The following STK39 variants were observed in gnomAD, a reference collection of about 807,000 sequenced individuals.
STK39 encodes STE20/SPS1-related proline-alanine-rich protein kinase.
A neutral mutation model predicts 77.8 loss-of-function variants in STK39; 20 were observed. The observed-to-expected ratio is 0.26, with a 90% CI of 0.18 to 0.37. STK39 has a LOEUF of 0.37. Among genes scored for constraint, STK39 ranks in the 10% least tolerant of loss-of-function variants. The pLI is 1.00. For synonymous variants in STK39, 246 were observed against 234.1 expected, an observed-to-expected ratio of 1.05 and a Z score of -0.47; for missense variants, 479 against 656.5, an observed-to-expected ratio of 0.73 and a Z score of 2.95.
chr2:167,965,696 TTTTTTATG>T (rs760530371), intron 16 of STK39, among the ~76,000 whole-genome samples: 11 of 152,206 alleles, frequency 7.2e-5, no homozygotes, highest in Admixed American at 6.5e-5. Flanking sequence ...TCATTTTTAT[TTTTTTATG>T]AGTAAAATTA....
chr2:168,206,129 G>A (rs1689735606), intron 1 of STK39, among the ~76,000 whole-genome samples: 2 of 152,136 alleles, frequency 1.3e-5, no homozygotes, highest in Non-Finnish European at 2.9e-5. Flanking sequence ...ATCGCTGACA[G>A]CAATGTCCTC....
intron 16 of STK39, among the ~76,000 whole-genome samples, chr2:167,993,871 T>A (rs1315717259): frequency 1.8e-5 from 1 of 56,214 alleles, no homozygotes; most frequent in African/African-American, 8.9e-5. Context: ...AAAGATTCTC[T>A]TTGTCTTCTT....
intron 1 of STK39, among the ~76,000 whole-genome samples, chr2:168,216,993 T>C (rs1690041381): frequency 6.6e-6 from 1 of 152,210 alleles, no homozygotes; most frequent in Admixed American, 6.5e-5. Flanking sequence ...AGTCCTAGGT[T>C]CTCAGCAGAA....
At chr2:168,142,874 G>A (rs1380322243) in intron 5 of STK39, among the ~76,000 whole-genome samples, 3 of 152,152 alleles carry the variant, frequency 2.0e-5, no homozygotes, top group Admixed American at 6.5e-5. Context: ...CAGATTATAT[G>A]TACTCAGTAA....
chr2:168,018,594 G>GAAAT (rs535705869), intron 14 of STK39, among the ~76,000 whole-genome samples: 34 of 148,332 alleles, frequency 2.3e-4, no homozygotes, highest in African/African-American at 7.8e-4. Flanking sequence ...AAGAAAGAAA[G>GAAAT]AAAGAAATTG....
chr2:168,145,650 G>A (rs1380876214), intron 5 of STK39, among the ~76,000 whole-genome samples: 1 of 152,176 alleles, frequency 6.6e-6, no homozygotes, highest in Non-Finnish European at 1.5e-5. Context: ...TGCCAACTGT[G>A]TGGTTATGAT....
In STK39 at chr2:168,189,432, C is replaced by G. The variant is rs890190721; in HGVS notation, c.209-7342G>C. Among the ~76,000 whole-genome samples the G allele has an allele frequency of 2.0e-5, 3 of 150,706 alleles. No homozygotes were observed. In the East Asian group the frequency reaches 5.8e-4, roughly 29 times the overall value. On this transcript the variant is annotated intron_variant, in intron 1 of 17. Coordinates refer to ENST00000355999, the MANE Select transcript of STK39 (RefSeq NM_013233.3). ...CAACTAAAAAAAAAAAACCAAAAAA[C>G]CCTACAGTGAGTACACTTACTGAAC...
intron 10 of STK39, among the ~76,000 whole-genome samples, chr2:168,087,620 C>G (rs1205057488): frequency 6.6e-6 from 1 of 152,330 alleles, no homozygotes; most frequent in South Asian, 2.1e-4. Context: ...GAATGTTAGG[C>G]TTGCCTAGAC....
intron 5 of STK39, among the ~76,000 whole-genome samples, chr2:168,144,895 C>T (rs754575505): frequency 6.6e-6 from 1 of 151,460 alleles, no homozygotes. Context: ...ATGGGAGAAT[C>T]GCTTGAGCCC....
chr2:168,024,461 GA>G (rs1440542161), intron 14 of STK39, among the ~76,000 whole-genome samples: 1 of 152,190 alleles, frequency 6.6e-6, no homozygotes, highest in African/African-American at 2.4e-5. Flanking sequence ...TTTAGGTCAT[GA>G]GGGCGCCACC....
chr2:167,969,075 C>T (rs985278480), intron 16 of STK39, among the ~76,000 whole-genome samples: 2 of 152,154 alleles, frequency 1.3e-5, no homozygotes, highest in African/African-American at 2.4e-5. Flanking sequence ...TGCACAAGGC[C>T]ATGCATTGGT....
chr2:168,153,646 G>C (rs971689988), intron 5 of STK39, among the ~76,000 whole-genome samples: 2 of 150,346 alleles, frequency 1.3e-5, no homozygotes, highest in South Asian at 2.1e-4. Context: ...GGGTGGGGGG[G>C]GGTTACAATA....
intron 10 of STK39, among the ~76,000 whole-genome samples, chr2:168,103,111 C>T (rs979167929): frequency 2.0e-5 from 3 of 151,902 alleles, no homozygotes; most frequent in African/African-American, 4.9e-5. Context: ...AGCAAGTATA[C>T]TGAACTTAAT....
chr2:167,969,363 C>T (rs528440166), intron 16 of STK39, among the ~76,000 whole-genome samples: 8 of 152,116 alleles, frequency 5.3e-5, no homozygotes, highest in African/African-American at 1.2e-4. Flanking sequence ...TTTAACTGTT[C>T]CCATCAACTT....
At chr2:167,955,698 A>G in intron 17 of STK39, 128 bp from the exon 18 acceptor site, 1 of 854,740 alleles carries the variant, frequency 1.2e-6, no homozygotes. Flanking sequence ...CATTTCTTCC[A>G]GAAGAGAGAC....
intron 16 of STK39, among the ~76,000 whole-genome samples, chr2:167,998,077 T>C (rs1286618135): frequency 6.6e-6 from 1 of 152,060 alleles, no homozygotes; most frequent in Non-Finnish European, 1.5e-5. Context: ...AAGAAAGTAT[T>C]ACATAAAGAA....
chr2:168,004,804 T>C (rs974868499), intron 16 of STK39, among the ~76,000 whole-genome samples: 2 of 151,752 alleles, frequency 1.3e-5, no homozygotes, highest in East Asian at 3.9e-4. Context: ...TGAGAATCAC[T>C]TGGGATACCT....
chr2:168,230,527 A>G (rs1359990420), intron 1 of STK39, among the ~76,000 whole-genome samples: 2 of 152,286 alleles, frequency 1.3e-5, no homozygotes, highest in South Asian at 2.1e-4. Context: ...AACTGAAGAA[A>G]TGCCCAGCCC....
At chr2:167,964,776 A>T in intron 16 of STK39, 50 bp from the exon 17 acceptor site, 1 of 1,504,498 alleles carries the variant, frequency 6.6e-7, no homozygotes, top group Non-Finnish European at 9.1e-7. Flanking sequence ...TTCCAATAAC[A>T]GTGGATTTTC....
Sources: gnomAD v4.1 joint callset for allele counts (sites outside exome capture counted in the v4.1 genomes callset) on GRCh38, gnomAD v4.1.1 for gene constraint, MANE v1.5 for transcripts, NCBI Gene and HGNC (gene_info 2026-07-23, HGNC 2026-07-21) for gene names.